The following HMBOX1 variants were observed in gnomAD, a reference collection of about 807,000 sequenced individuals.
HMBOX1 encodes homeobox-containing protein 1.
Under a neutral mutation model 54.5 loss-of-function variants are expected in HMBOX1, and 14 were observed. The ratio of observed to expected loss-of-function variants is 0.26; its 90% CI spans 0.17 to 0.40. The LOEUF is 0.40. HMBOX1 is among the 10% of genes least tolerant of loss of function. The pLI, the probability that HMBOX1 is intolerant of heterozygous loss-of-function variation, is 1.00. For synonymous variants in HMBOX1, 160 were observed against 181.0 expected, an observed-to-expected ratio of 0.88 and a Z score of 0.93; for missense variants, 332 against 514.4, an observed-to-expected ratio of 0.65 and a Z score of 3.43.
chr8:29,004,561 GTGAATGA>G (rs1196293953), intron 4 of HMBOX1, among the ~76,000 whole-genome samples: 1 of 152,196 alleles, frequency 6.6e-6, no homozygotes, highest in Non-Finnish European at 1.5e-5. Flanking sequence ...AGAAAATAAT[GTGAATGA>G]GGCTGGAAAG....
chr8:28,956,242 G>C, intron 1 of HMBOX1, among the ~76,000 whole-genome samples: 1 of 151,460 alleles, frequency 6.6e-6, no homozygotes, highest in Non-Finnish European at 1.5e-5. Context: ...GTGCATTTGA[G>C]TATTTTTTGA....
At chr8:29,031,773 TTA>T (rs1803007645) in intron 6 of HMBOX1, among the ~76,000 whole-genome samples, 1 of 152,152 alleles carries the variant, frequency 6.6e-6, no homozygotes, top group Admixed American at 6.5e-5. Flanking sequence ...TGTGGAAAGA[TTA>T]GCTCCTAGCC....
chr8:29,002,643 T>A (rs1245380894), intron 4 of HMBOX1, among the ~76,000 whole-genome samples: 1 of 152,230 alleles, frequency 6.6e-6, no homozygotes, highest in Non-Finnish European at 1.5e-5. Context: ...TTTAGTGGAC[T>A]CTTTCGAGAA....
At chr8:28,965,214 A>T (rs935844588) in intron 2 of HMBOX1, among the ~76,000 whole-genome samples, 5 of 152,236 alleles carry the variant, frequency 3.3e-5, no homozygotes, top group African/African-American at 1.2e-4. Flanking sequence ...TGTTACTTAA[A>T]TGAATGATTT....
intron 4 of HMBOX1, among the ~76,000 whole-genome samples, chr8:29,003,084 C>CTT (rs11408114): frequency 4.4e-4 from 64 of 145,216 alleles, no homozygotes; most frequent in East Asian, 1.8e-3. Context: ...ACAGTCTTGT[C>CTT]TTTTTTTTTT....
intron 1 of HMBOX1, among the ~76,000 whole-genome samples, chr8:28,960,476 ACTT>A (rs928901859): frequency 3.9e-5 from 6 of 151,924 alleles, no homozygotes; most frequent in East Asian, 1.9e-4. Context: ...GGAAAAAAAA[ACTT>A]CTTTGTTAGA....
chr8:28,963,841 A>G lies in HMBOX1; in HGVS notation c.-27A>G. ...TAGATAACGCAGATCATCTCTGGAAAGGATATTGATCCGCCTCATGTAAAG... is the reference window on the plus strand; with the variant it reads ...TAGATAACGCAGATCATCTCTGGAAGGGATATTGATCCGCCTCATGTAAAG... On this transcript the variant is annotated 5_prime_UTR_variant, in exon 2 of 10. Coordinates refer to ENST00000287701, the MANE Select transcript of HMBOX1 (RefSeq NM_001135726.3). 6.3e-7 allele frequency: 1 copy of G among 1,582,094 alleles called. No individual in the cohort carries two copies. The highest frequency in any genetic ancestry group is 8.6e-7 in the Non-Finnish European group (1 of 1,157,616).
At chr8:29,048,886 T>G in intron 8 of HMBOX1, 68 bp from the exon 9 acceptor site, 1 of 999,512 alleles carries the variant, frequency 1.0e-6, no homozygotes, top group South Asian at 1.6e-5. Context: ...GCACAAAAAT[T>G]CATTCAGTGT....
chr8:28,993,772 A>C (rs1831345576), intron 4 of HMBOX1, among the ~76,000 whole-genome samples: 1 of 152,190 alleles, frequency 6.6e-6, no homozygotes, highest in Non-Finnish European at 1.5e-5. Context: ...GCTCTCTGAT[A>C]CCAATCAGAA....
In HMBOX1 at chr8:28,996,596, C is replaced by T. The variant is rs1435185832; in HGVS notation, c.587-12476C>T. ...ACATTGTTGATAGTGTTCTTTGAAG[C>T]ACACAAGTTTTTAGTTTTGATGAAG... is the stretch of plus-strand genomic sequence containing the variant. On this transcript the variant is annotated intron_variant, in intron 4 of 9. Transcript: ENST00000287701. Among the ~76,000 whole-genome samples, 3 of 152,168 alleles carry T rather than the reference C, an allele frequency of 2.0e-5. 1 individual carries two copies. The highest frequency in any genetic ancestry group is 2.0e-4 in the Admixed American group (3 of 15,282).
intron 1 of HMBOX1, among the ~76,000 whole-genome samples, chr8:28,908,178 G>A (rs1486030707): frequency 6.6e-6 from 1 of 152,044 alleles, no homozygotes; most frequent in African/African-American, 2.4e-5. Flanking sequence ...TATATATTAT[G>A]TTTTGGATTA....
intron 9 of HMBOX1, chr8:29,050,338 GT>G (rs1188517519): frequency 1.2e-4 from 61 of 520,560 alleles, no homozygotes; most frequent in Non-Finnish European, 1.5e-4. Context: ...CAGCTTTATT[GT>G]TTAACACATT....
At chr8:29,035,149 C>T (rs1803645965) in intron 6 of HMBOX1, among the ~76,000 whole-genome samples, 1 of 152,086 alleles carries the variant, frequency 6.6e-6, no homozygotes, top group Admixed American at 6.5e-5. Context: ...GGATTGATCC[C>T]TGGGAGGACC....
intron 2 of HMBOX1, among the ~76,000 whole-genome samples, chr8:28,968,137 A>T (rs1332040058): frequency 6.6e-6 from 1 of 152,234 alleles, no homozygotes; most frequent in Non-Finnish European, 1.5e-5. Context: ...TCGGAGGAGA[A>T]GACAGATATT....
At chr8:28,978,521 G>A (rs911076713) in intron 3 of HMBOX1, among the ~76,000 whole-genome samples, 2 of 152,170 alleles carry the variant, frequency 1.3e-5, no homozygotes, top group Admixed American at 6.5e-5. Flanking sequence ...TACTGCTCAC[G>A]CCTGTATTCC....
intron 6 of HMBOX1, among the ~76,000 whole-genome samples, chr8:29,038,639 T>C (rs1242154805): frequency 6.6e-6 from 1 of 152,154 alleles, no homozygotes; most frequent in East Asian, 1.9e-4. Flanking sequence ...CTGTCTTGAA[T>C]GCATTTTATC....
intron 4 of HMBOX1, among the ~76,000 whole-genome samples, chr8:28,996,935 G>A (rs926140375): frequency 5.3e-5 from 8 of 151,970 alleles, no homozygotes; most frequent in Non-Finnish European, 8.8e-5. Context: ...GGTTTATTTC[G>A]TATATTGATC....
chr8:29,004,903 C>A (rs143900119), intron 4 of HMBOX1, among the ~76,000 whole-genome samples: 2 of 152,140 alleles, frequency 1.3e-5, no homozygotes, highest in South Asian at 2.1e-4. Flanking sequence ...GTTCAAGGAG[C>A]CTTACCCATC....
At chr8:28,982,188 G>A (rs891888348) in intron 4 of HMBOX1, among the ~76,000 whole-genome samples, 1 of 152,120 alleles carries the variant, frequency 6.6e-6, no homozygotes, top group African/African-American at 2.4e-5. Context: ...AGCCGAGATC[G>A]CGCCACTGCA....
Sources: gnomAD v4.1 joint callset for allele counts (sites outside exome capture counted in the v4.1 genomes callset) on GRCh38, gnomAD v4.1.1 for gene constraint, MANE v1.5 for transcripts, NCBI Gene and HGNC (gene_info 2026-07-23, HGNC 2026-07-21) for gene names.